The following WDR44 variants were observed in gnomAD, a reference collection of about 807,000 sequenced individuals.
The protein encoded by WDR44 is WD repeat-containing protein 44.
A neutral mutation model predicts 65.7 loss-of-function variants in WDR44; 9 were observed. The ratio of observed to expected loss-of-function variants is 0.14; its 90% confidence interval spans 0.08 to 0.24. The LOEUF (loss-of-function observed/expected upper bound fraction) is 0.24. WDR44 is among the 10% of genes least tolerant of loss of function. The probability of loss-of-function intolerance (pLI) is 1.00; values close to 1 mark genes in which losing one functional copy is unlikely to be tolerated. For missense variants in WDR44, 425 were observed against 670.9 expected (o/e 0.63, Z 4.05); for synonymous variants, 220 against 235.2 (o/e 0.94, Z 0.59).
chrX:118,355,098 G>A (rs955441801), intron 1 of WDR44, among the ~76,000 whole-genome samples: 8 of 111,833 alleles, frequency 7.2e-5, no homozygotes, highest in African/African-American at 2.3e-4. Flanking sequence ...TAGCAGTACT[G>A]TTAACAATTG....
At chrX:118,399,410 C>G (rs187720606) in intron 8 of WDR44, among the ~76,000 whole-genome samples, 1 of 111,485 alleles carries the variant, frequency 9.0e-6, no homozygotes, top group African/African-American at 3.3e-5. Context: ...GAGTCCTTTT[C>G]CTAGTGTGTA....
At chrX:118,440,947 A>ATTTTT (rs1386486705) in intron 14 of WDR44, among the ~76,000 whole-genome samples, 1 of 76,115 alleles carries the variant, frequency 1.3e-5, no homozygotes, top group African/African-American at 6.2e-5. Flanking sequence ...TTTAAATGAA[A>ATTTTT]TCTTTTTTTT....
At chrX:118,400,790 G>C (rs2056905841) in intron 8 of WDR44, among the ~76,000 whole-genome samples, 1 of 104,870 alleles carries the variant, frequency 9.5e-6, no homozygotes, top group South Asian at 4.5e-4. Context: ...TCTAGCATTA[G>C]GTATATCTCC....
At chrX:118,424,800 T>G (rs1464754007) in intron 12 of WDR44, among the ~76,000 whole-genome samples, 1 of 111,721 alleles carries the variant, frequency 9.0e-6, no homozygotes, top group Non-Finnish European at 1.9e-5. Flanking sequence ...CAAGAAGTTT[T>G]TTTCCTGTTT....
At chrX:118,419,354 C>G (rs1020122694) in intron 12 of WDR44, among the ~76,000 whole-genome samples, 2 of 112,091 alleles carry the variant, frequency 1.8e-5, no homozygotes, top group East Asian at 2.8e-4. Context: ...CCAAGGCTTT[C>G]CTGCTGCTTC....
rs1368502107 is a variant in WDR44 at position 118,424,321 on chromosome X, GTGTATATA to G, written c.1738-8458_1738-8451del. On this transcript the variant is annotated intron_variant, in intron 12 of 19. Transcript: ENST00000254029. Reference sequence around the variant, plus strand: ...TGTGTATATATATATATGTGTGTGTGTGTATATATATATATATATATATATATGTATAT... The same window carrying G: ...TGTGTATATATATATATGTGTGTGTGTATATATATATATATATATGTATAT... 7.8e-3 allele frequency among the ~76,000 whole-genome samples: 494 copies of G among 63,440 alleles called. 7 individuals carry two copies. Among genetic ancestry groups the G allele is most frequent in the African/African-American group, 0.07 (464 of 6,599 alleles). The allele number at this position is 63,440 out of a possible 115,157, so 55.1% of individuals were successfully genotyped here.
chrX:118,409,414 G>A, intron 10 of WDR44, 75 bp from the exon 11 acceptor site: 1 of 1,096,785 alleles, frequency 9.1e-7, no homozygotes, highest in Non-Finnish European at 1.2e-6. Context: ...ACAGACGTGA[G>A]CCACCATGCC....
At chrX:118,382,227 G>GT (rs1360234917) in intron 2 of WDR44, among the ~76,000 whole-genome samples, 7 of 104,753 alleles carry the variant, frequency 6.7e-5, no homozygotes, top group African/African-American at 2.4e-4. Context: ...CTGCCAAGGT[G>GT]GTTTTTTTGT....
In WDR44 at chrX:118,432,712, G is replaced by A. The variant is rs2057222429; in HGVS notation, c.1738-69G>A. 3 of 951,488 alleles carry A rather than the reference G, an allele frequency of 3.2e-6. No homozygotes were observed. The East Asian group carries it at 9.2e-5, about 29-fold the overall frequency. 78.4% of individuals were successfully genotyped at this position (951,488 alleles called of 1,213,427 possible). The stretch of plus-strand genomic sequence containing the variant: ...CATCATACAAAATGCTGAGAGAACA[G>A]ATGGGGTGGGAAGAATGTGAAACTA... On this transcript the variant is annotated intron_variant, in intron 12 of 19. Transcript: ENST00000254029.
chrX:118,440,033 T>C (rs773077443), intron 14 of WDR44, among the ~76,000 whole-genome samples: 5 of 105,001 alleles, frequency 4.8e-5, no homozygotes, highest in Non-Finnish European at 7.8e-5. Context: ...GGTGAGAGGA[T>C]TACTTGAGCC....
At chrX:118,447,179 T>C in intron 19 of WDR44, 1 of 241,247 alleles carries the variant, frequency 4.1e-6, no homozygotes, top group Non-Finnish European at 7.8e-6. Context: ...GGCCTTTTTT[T>C]CTTTTCTTTT....
At chrX:118,444,622 T>C (rs1602983203) in intron 19 of WDR44, 128 bp downstream of exon 19, 1 of 823,214 alleles carries the variant, frequency 1.2e-6, no homozygotes, top group East Asian at 3.7e-5. Context: ...TAAGACAGGG[T>C]CTTGCTCTGT....
intron 1 of WDR44, among the ~76,000 whole-genome samples, chrX:118,350,255 TAG>T (rs1342622710): frequency 1.8e-5 from 2 of 111,831 alleles, no homozygotes; most frequent in Middle Eastern, 4.6e-3. Context: ...AACTGAAACC[TAG>T]AGAGAGAAAG....
chrX:118,378,298 C>A, intron 1 of WDR44, 121 bp from the exon 2 acceptor site: 1 of 601,488 alleles, frequency 1.7e-6, no homozygotes, highest in Non-Finnish European at 2.6e-6. Flanking sequence ...GCACACAAGA[C>A]TTTTCAGTCA....
chrX:118,437,644 C>A (rs1325053614), intron 14 of WDR44, among the ~76,000 whole-genome samples: 2 of 111,965 alleles, frequency 1.8e-5, no homozygotes, highest in African/African-American at 6.5e-5. Flanking sequence ...ATTCACATTT[C>A]TTCATCTCCC....
At chrX:118,416,719 A>G (rs1569376281) in intron 12 of WDR44, among the ~76,000 whole-genome samples, 2 of 111,834 alleles carry the variant, frequency 1.8e-5, no homozygotes, top group South Asian at 7.4e-4. Context: ...TCCAAGGTAT[A>G]GTTTAAATTC....
At chrX:118,441,338 T>C in intron 14 of WDR44, 30 bp from the exon 15 acceptor site, 1 of 1,160,481 alleles carries the variant, frequency 8.6e-7, no homozygotes, top group Non-Finnish European at 1.2e-6. Context: ...TGTGGTAAAA[T>C]GAAAACTTTC....
At position 118,438,917 on chromosome X, in the gene WDR44, T is replaced by C. The variant is rs142160124; in HGVS notation, c.1974+2093T>C. 7.7e-3 allele frequency among the ~76,000 whole-genome samples: 799 copies of C among 104,024 alleles called. 30 individuals carry two copies. The East Asian group carries it at 0.091, about 12-fold the overall frequency. 90.3% of individuals were successfully genotyped at this position (104,024 alleles called of 115,157 possible). A position where few individuals can be genotyped will look rare whatever the true frequency, so the allele number is the denominator to read the frequency against. On this transcript the variant is annotated intron_variant, in intron 14 of 19. Coordinates refer to ENST00000254029, the MANE Select transcript of WDR44 (RefSeq NM_019045.5). ...AGTTCTGCCTCAGCCTCCCAAGTAG[T>C]TGGGATTACAGACATGCACCACCAC...
At chrX:118,411,268 C>T (rs1034165985) in intron 12 of WDR44, among the ~76,000 whole-genome samples, 9 of 110,969 alleles carry the variant, frequency 8.1e-5, no homozygotes, top group African/African-American at 2.3e-4. Context: ...AATAGATACC[C>T]AAATAAGAGG....
Sources: gnomAD v4.1 joint callset for allele counts (sites outside exome capture counted in the v4.1 genomes callset) on GRCh38, gnomAD v4.1.1 for gene constraint, MANE v1.5 for transcripts, NCBI Gene and HGNC (gene_info 2026-07-23, HGNC 2026-07-21) for gene names.